Variants in NIPSNAP3B observed in about 807,000 individuals in gnomAD.
NIPSNAP3B encodes protein NipSnap homolog 3B.
Under a neutral mutation model 31.5 loss-of-function variants are expected in NIPSNAP3B, and 30 were observed. The ratio of observed to expected loss-of-function variants is 0.95; its 90% CI spans 0.71 to 1.29. The LOEUF is 1.29. NIPSNAP3B is among the 50% of genes most tolerant of loss of function. The probability of loss-of-function intolerance (pLI) is 0.00; values close to 1 mark genes in which losing one functional copy is unlikely to be tolerated. For synonymous variants in NIPSNAP3B, 106 were observed against 107.9 expected, an observed-to-expected ratio of 0.98 and a Z score of 0.11; for missense variants, 269 against 300.7, an observed-to-expected ratio of 0.89 and a Z score of 0.78.
At position 104,777,557 on chromosome 9, in the gene NIPSNAP3B, T is replaced by C. The variant is rs1828361932; in HGVS notation, c.*4484T>C. 1 of 152,194 alleles carries C rather than the reference T, an allele frequency of 6.6e-6. No homozygotes were observed. The highest frequency in any genetic ancestry group is 1.5e-5 in the Non-Finnish European group (1 of 68,054). 9.4% of individuals were successfully genotyped at this position (152,194 alleles called of 1,614,324 possible). A position where few individuals can be genotyped will look rare whatever the true frequency, so the allele number is the denominator to read the frequency against. ...AATAGTCGATTGGAAGGAATGGAAGTTTTTGAATCACAGGCTTCTGCCTTG... is the reference window on the plus strand; with the variant it reads ...AATAGTCGATTGGAAGGAATGGAAGCTTTTGAATCACAGGCTTCTGCCTTG... On this transcript the variant is annotated 3_prime_UTR_variant, in exon 6 of 6. Transcript: ENST00000374762.
Position 104,777,682 on chromosome 9 carries a change from A to G in NIPSNAP3B, c.*4609A>G, listed in dbSNP as rs1485352162. Among the ~76,000 whole-genome samples, 1 of 152,240 alleles carries G rather than the reference A, an allele frequency of 6.6e-6. No homozygotes were observed. Among genetic ancestry groups the G allele is most frequent in the Non-Finnish European group, 1.5e-5 (1 of 68,034 alleles). On this transcript the variant is annotated 3_prime_UTR_variant, in exon 6 of 6. Coordinates refer to ENST00000374762, the MANE Select transcript of NIPSNAP3B (RefSeq NM_018376.4). ...ATTAAAAGCAAAACAGCAGAATCAA[A>G]AAGGAAGGGCACGATGATGCCCAGG...
At chr9:104,789,379 G>T in the NIPSNAP3B span, among the ~76,000 whole-genome samples, 155 of 152,296 alleles carry the variant, frequency 1.0e-3, no homozygotes, top group African/African-American at 3.6e-3. Context: ...GTTGTGCAGC[G>T]CTAGGCCTGC....
the NIPSNAP3B span, among the ~76,000 whole-genome samples, chr9:104,784,779 G>A: frequency 7.0e-3 from 1,073 of 152,242 alleles, 11 homozygotes; most frequent in African/African-American, 0.025. Context: ...AAGTAGCTGG[G>A]ACTACAAGTG....
At position 104,768,754 on chromosome 9, in the gene NIPSNAP3B, A is replaced by G. The variant is rs568088737; in HGVS notation, c.272-109A>G. On this transcript the variant is annotated intron_variant, in intron 2 of 5. Transcript: ENST00000374762. Reference sequence around the variant, plus strand: ...TTGGCATCTCCAGCGACATAATAACATGGGGTTCCCATATGGCCTTGCACG... The same window carrying G: ...TTGGCATCTCCAGCGACATAATAACGTGGGGTTCCCATATGGCCTTGCACG... The G allele has an allele frequency of 1.6e-4, 138 of 842,494 alleles. No individual in the cohort carries two copies. In the African/African-American group the frequency reaches 2.2e-3, roughly 14 times the overall value. The allele number at this position is 842,494 out of a possible 1,614,324, so 52.2% of individuals were successfully genotyped here.
At chr9:104,786,204 C>T in the NIPSNAP3B span, 12 of 1,066,908 alleles carry the variant, frequency 1.1e-5, no homozygotes, top group East Asian at 4.8e-5. Context: ...AGTTTTATTT[C>T]CCTTTATGTT....
At chr9:104,780,487 T>C (rs776146888), downstream of NIPSNAP3B, among the ~76,000 whole-genome samples, 5 of 152,250 alleles carry the variant, frequency 3.3e-5, no homozygotes, top group Non-Finnish European at 7.3e-5. Flanking sequence ...ATATGTTGTC[T>C]GCACAGCACT....
In NIPSNAP3B at chr9:104,766,421, A is replaced by G. The variant is rs1469372186; in HGVS notation, c.157A>G (p.Met53Val). ...TAAACCTTCAAATATGAATGCGTTC[A>G]TGGAAAATCTTAAGAAAAACATTCA... Reference protein sequence around the residue: ...YLKPSNMNAFMENLKKNIHLR... With the variant: ...YLKPSNMNAFVENLKKNIHLR... The change falls in exon 2 of 6, where the codon ATG becomes GTG. Residue 53 changes from methionine (M) to valine (V), a missense_variant. Met to Val is a conservative substitution (Grantham distance 21, BLOSUM62 1). Coordinates refer to ENST00000374762, the MANE Select transcript of NIPSNAP3B (RefSeq NM_018376.4). 2 of 1,613,876 alleles carry G rather than the reference A, an allele frequency of 1.2e-6. No individual in the cohort carries two copies. Among genetic ancestry groups the G allele is most frequent in the African/African-American group, 1.3e-5 (1 of 75,052 alleles).
chr9:104,766,634 C>T (rs1588166316), intron 2 of NIPSNAP3B, 99 bp downstream of exon 2: 1 of 1,184,152 alleles, frequency 8.4e-7, no homozygotes, highest in East Asian at 2.4e-5. Flanking sequence ...TAGATACATA[C>T]AGGTTAAGTA....
At chr9:104,765,342 T>C (rs1030501002) in intron 1 of NIPSNAP3B, among the ~76,000 whole-genome samples, 1 of 152,236 alleles carries the variant, frequency 6.6e-6, no homozygotes, top group African/African-American at 2.4e-5. Context: ...TGTCACATGC[T>C]AACCATGCCT....
rs1394525535 is a variant in NIPSNAP3B at position 104,770,910 on chromosome 9, A to G, written c.492A>G (p.Ala164=). ...GTGGGCCAGCTCTGTGGGGTGATGCATTTGAAAGAGCAATTAATGCCCATG... is the reference window on the plus strand; with the variant it reads ...GTGGGCCAGCTCTGTGGGGTGATGCGTTTGAAAGAGCAATTAATGCCCATG... ...KPGGPALWGD[A]FERAINAHVN... The change falls in exon 4 of 6, where the codon GCA becomes GCG. Residue 164 remains alanine (A), a synonymous_variant. Transcript: ENST00000374762. 7 of 1,613,818 alleles carry G rather than the reference A, an allele frequency of 4.3e-6. No homozygotes were observed. Among genetic ancestry groups the G allele is most frequent in the Non-Finnish European group, 5.9e-6 (7 of 1,179,834 alleles).
intron 2 of NIPSNAP3B, among the ~76,000 whole-genome samples, chr9:104,767,292 G>A (rs1339810559): frequency 2.0e-5 from 3 of 151,960 alleles, no homozygotes; most frequent in Non-Finnish European, 4.4e-5. Flanking sequence ...ACTACCCTAG[G>A]GAGGTAAGGA....
At chr9:104,783,996 A>C in the NIPSNAP3B span, 61 of 209,124 alleles carry the variant, frequency 2.9e-4, no homozygotes, top group Admixed American at 5.6e-4. Flanking sequence ...ACAGGAACAA[A>C]AAAAAAAAAA....
the NIPSNAP3B span, among the ~76,000 whole-genome samples, chr9:104,790,643 A>G: frequency 0.23 from 34,811 of 151,964 alleles, 5,946 homozygotes; most frequent in African/African-American, 0.47. Flanking sequence ...AAAAATCACT[A>G]AATTATACTC....
intron 3 of NIPSNAP3B, among the ~76,000 whole-genome samples, chr9:104,769,438 A>G (rs1383399885): frequency 3.0e-5 from 4 of 135,376 alleles, no homozygotes; most frequent in Non-Finnish European, 6.2e-5. Flanking sequence ...TGGGCGACAG[A>G]GCGAGACTCC....
At chr9:104,788,680 C>T in the NIPSNAP3B span, 6 of 1,306,400 alleles carry the variant, frequency 4.6e-6, no homozygotes, top group Admixed American at 1.7e-5. Flanking sequence ...GATACCAATA[C>T]ATCTGCTGCT....
chr9:104,786,258 T>A, the NIPSNAP3B span: 2 of 1,492,052 alleles, frequency 1.3e-6, no homozygotes, highest in Non-Finnish European at 1.9e-6. Flanking sequence ...ATATCAAGCC[T>A]TCTCACTAGG....
chr9:104,790,250 T>C, the NIPSNAP3B span, among the ~76,000 whole-genome samples: 1 of 152,198 alleles, frequency 6.6e-6, no homozygotes, highest in East Asian at 1.9e-4. Context: ...CTCAGTCAAT[T>C]TGTATGCTCT....
rs928376079 is a variant in NIPSNAP3B at position 104,775,726 on chromosome 9, A to G, written c.*2653A>G. 2.0e-5 allele frequency among the ~76,000 whole-genome samples: 3 copies of G among 152,224 alleles called. No individual in the cohort carries two copies. The highest frequency in any genetic ancestry group is 4.8e-5 in the African/African-American group (2 of 41,532). ...GAAATCTCACACCCCTCTTGTCCAA[A>G]ACTGAGCTCTTGATCTTTAACCAGA... is the stretch of plus-strand genomic sequence containing the variant. On this transcript the variant is annotated 3_prime_UTR_variant, in exon 6 of 6. Transcript: ENST00000374762.
the NIPSNAP3B span, chr9:104,784,305 A>C: frequency 1.2e-6 from 2 of 1,614,060 alleles, no homozygotes; most frequent in Non-Finnish European, 1.7e-6. Flanking sequence ...CCCCGTATGA[A>C]CAGGATTCTT....
Sources: gnomAD v4.1 joint callset for allele counts (sites outside exome capture counted in the v4.1 genomes callset) on GRCh38, gnomAD v4.1.1 for gene constraint, MANE v1.5 for transcripts, NCBI Gene and HGNC (gene_info 2026-07-23, HGNC 2026-07-21) for gene names.